The following OLFM3 variants were observed in gnomAD, a reference collection of about 807,000 sequenced individuals.
The protein encoded by OLFM3 is noelin-3.
A neutral mutation model predicts 48.6 loss-of-function variants in OLFM3; 20 were observed. The observed-to-expected ratio is 0.41, with a 90% CI of 0.29 to 0.60. The LOEUF is 0.60. Among genes scored for constraint, OLFM3 ranks in the 20% least tolerant of loss-of-function variants. OLFM3 has a pLI of 0.28. For synonymous variants in OLFM3, 222 were observed against 198.1 expected (o/e 1.12, Z -1.01); for missense variants, 437 against 544.3 (o/e 0.80, Z 1.96).
At chr1:101,904,986 A>G (rs1658506976) in intron 1 of OLFM3, among the ~76,000 whole-genome samples, 4 of 152,144 alleles carry the variant, frequency 2.6e-5, no homozygotes. Context: ...TTATTTGTCA[A>G]AAATTATTGC....
At chr1:101,913,807 A>G (rs973003711) in intron 1 of OLFM3, among the ~76,000 whole-genome samples, 1 of 152,190 alleles carries the variant, frequency 6.6e-6, no homozygotes, top group Non-Finnish European at 1.5e-5. Flanking sequence ...TCATCTAAAA[A>G]TTTATCAACA....
At chr1:101,949,616 C>G (rs1024613977) in intron 1 of OLFM3, among the ~76,000 whole-genome samples, 4 of 152,110 alleles carry the variant, frequency 2.6e-5, no homozygotes, top group African/African-American at 9.7e-5. Context: ...AAGATTTGAT[C>G]AAGCCATTCC....
At chr1:101,862,895 T>C (rs116102916) in intron 1 of OLFM3, among the ~76,000 whole-genome samples, 2,008 of 152,272 alleles carry the variant, frequency 0.013, 48 homozygotes, top group African/African-American at 0.046. Context: ...CTTGTACAGA[T>C]TTCACTCAGT....
intron 1 of OLFM3, among the ~76,000 whole-genome samples, chr1:101,852,729 A>G (rs966879612): frequency 2.0e-5 from 3 of 152,092 alleles, no homozygotes; most frequent in Non-Finnish European, 4.4e-5. Context: ...ATAAACAACA[A>G]CAAAAATACA....
At chr1:101,976,560 C>T (rs529149374) in intron 1 of OLFM3, among the ~76,000 whole-genome samples, 8 of 152,026 alleles carry the variant, frequency 5.3e-5, no homozygotes, top group East Asian at 1.9e-4. Context: ...TTTTAGATAC[C>T]GACAGAAACT....
intron 1 of OLFM3, among the ~76,000 whole-genome samples, chr1:101,965,387 T>G (rs2101088941): frequency 6.6e-6 from 1 of 152,362 alleles, no homozygotes; most frequent in East Asian, 1.9e-4. Context: ...AATTAGCTAT[T>G]AAGTCATGCA....
At chr1:101,870,429 T>C (rs1361506355) in intron 1 of OLFM3, among the ~76,000 whole-genome samples, 4 of 152,210 alleles carry the variant, frequency 2.6e-5, no homozygotes, top group Non-Finnish European at 4.4e-5. Flanking sequence ...TATAAAAGTA[T>C]CCACCTTGAA....
intron 3 of OLFM3, among the ~76,000 whole-genome samples, chr1:101,826,025 C>A (rs2100900930): frequency 6.6e-6 from 1 of 152,194 alleles, no homozygotes; most frequent in South Asian, 2.1e-4. Flanking sequence ...GAATTGCTTG[C>A]CCATGTGGCG....
At chr1:101,848,421 T>G (rs1350017828) in intron 1 of OLFM3, among the ~76,000 whole-genome samples, 1 of 152,154 alleles carries the variant, frequency 6.6e-6, no homozygotes, top group Non-Finnish European at 1.5e-5. Context: ...GTGTGTATAT[T>G]TTACTTTCAA....
intron 1 of OLFM3, among the ~76,000 whole-genome samples, chr1:101,863,181 C>T (rs1005554848): frequency 6.6e-6 from 1 of 152,138 alleles, no homozygotes; most frequent in African/African-American, 2.4e-5. Flanking sequence ...GTGCTGGTCT[C>T]GAACTGGACT....
intron 1 of OLFM3, among the ~76,000 whole-genome samples, chr1:101,935,759 A>C (rs1309081287): frequency 6.6e-6 from 1 of 152,180 alleles, no homozygotes; most frequent in African/African-American, 2.4e-5. Context: ...CAAACAGCAC[A>C]TCTAAAAGCA....
chr1:101,979,455 G>A (rs1425210538), intron 1 of OLFM3, among the ~76,000 whole-genome samples: 1 of 152,194 alleles, frequency 6.6e-6, no homozygotes, highest in East Asian at 1.9e-4. Flanking sequence ...TAGTGGATGA[G>A]TTCTCATGAG....
At chr1:101,860,607 T>C (rs1047045403) in intron 1 of OLFM3, among the ~76,000 whole-genome samples, 4 of 152,074 alleles carry the variant, frequency 2.6e-5, no homozygotes, top group African/African-American at 9.7e-5. Context: ...AGCTACTGTT[T>C]AGTAATCCCT....
At chr1:101,984,633 C>A (rs982945833) in intron 1 of OLFM3, among the ~76,000 whole-genome samples, 1 of 152,222 alleles carries the variant, frequency 6.6e-6, no homozygotes, top group Non-Finnish European at 1.5e-5. Flanking sequence ...CTCCTGACCT[C>A]AGGTGATCCA....
chr1:101,831,493 G>T (rs1463084474), intron 2 of OLFM3, among the ~76,000 whole-genome samples: 1 of 152,106 alleles, frequency 6.6e-6, no homozygotes, highest in Non-Finnish European at 1.5e-5. Context: ...GGGCTATTTG[G>T]AAGTAAAAAA....
chr1:101,933,201 C>CAAAAAAAAA lies in OLFM3; in HGVS notation c.69+63538_69+63546dup, dbSNP rs761881274. Among the ~76,000 whole-genome samples the CAAAAAAAAA allele has an allele frequency of 2.8e-3, 113 of 40,102 alleles. 1 individual carries two copies. Among genetic ancestry groups the CAAAAAAAAA allele is most frequent in the Non-Finnish European group, 3.3e-3 (74 of 22,244 alleles). 26.3% of individuals were successfully genotyped at this position (40,102 alleles called of 152,430 possible). Reference sequence around the variant, plus strand: ...TGGGTGACAGAGTGAGACTCCATCTCAAAAAAAAAAAAAAAAAAAAAAAAA... The same window carrying CAAAAAAAAA: ...TGGGTGACAGAGTGAGACTCCATCTCAAAAAAAAAAAAAAAAAAAAAAAAAAAAAAAAAA... On this transcript the variant is annotated intron_variant, in intron 1 of 5. Transcript: ENST00000370103.
chr1:101,862,607 C>A (rs1459967047), intron 1 of OLFM3, among the ~76,000 whole-genome samples: 3 of 152,056 alleles, frequency 2.0e-5, no homozygotes, highest in Non-Finnish European at 4.4e-5. Context: ...CCTTAGATAC[C>A]CCATGCTTTC....
chr1:101,979,158 G>A lies in OLFM3; in HGVS notation c.69+17590C>T, dbSNP rs1261700022. ...TTAATTTTTACATTGCTTTAAAGAT[G>A]TTCCAAGGGAATTTTCAGTGTGGAG... On this transcript the variant is annotated intron_variant, in intron 1 of 5. Transcript: ENST00000370103. Among the ~76,000 whole-genome samples the A allele has an allele frequency of 7.9e-5, 12 of 152,278 alleles. No homozygotes were observed. The East Asian group carries it at 1.4e-3, about 17-fold the overall frequency.
intron 1 of OLFM3, among the ~76,000 whole-genome samples, chr1:101,913,022 C>T (rs1012629465): frequency 2.0e-5 from 3 of 151,708 alleles, no homozygotes; most frequent in African/African-American, 7.3e-5. Context: ...TATGAAATTT[C>T]AAAGCAAAAA....
Sources: allele counts gnomAD v4.1 joint callset (sites outside exome capture counted in the v4.1 genomes callset), GRCh38; gene constraint gnomAD v4.1.1; transcripts MANE v1.5; gene names NCBI Gene and HGNC (gene_info 2026-07-23, HGNC 2026-07-21).